The following FAM227B variants were observed in gnomAD, a reference collection of about 807,000 sequenced individuals.
FAM227B encodes protein FAM227B.
A neutral mutation model predicts 73.8 loss-of-function variants in FAM227B; 88 were observed. That is an observed-to-expected ratio of 1.19 (90% CI 1.00 to 1.42). FAM227B has a LOEUF of 1.42. Ranked by LOEUF, FAM227B falls within the 40% of genes most tolerant of loss-of-function variation. FAM227B has a pLI of 0.00. For missense variants in FAM227B, 632 were observed against 590.9 expected (o/e 1.07, Z -0.72); for synonymous variants, 210 against 190.5 (o/e 1.10, Z -0.84).
intron 11 of FAM227B, chr15:49,488,081 A>G (rs938159105): frequency 2.6e-5 from 4 of 152,028 alleles, no homozygotes; most frequent in Non-Finnish European, 5.9e-5. Flanking sequence ...CAATCAGAAT[A>G]CATCACTGAT....
At chr15:49,529,464 AAAAATAATCT>A (rs1308032939) in intron 10 of FAM227B, among the ~76,000 whole-genome samples, 1 of 151,720 alleles carries the variant, frequency 6.6e-6, no homozygotes, top group Non-Finnish European at 1.5e-5. Flanking sequence ...TACCTGCATC[AAAAATAATCT>A]AAAATAATCT....
intron 11 of FAM227B, among the ~76,000 whole-genome samples, chr15:49,474,548 TA>T (rs1328227828): frequency 6.6e-6 from 1 of 151,732 alleles, no homozygotes; most frequent in Admixed American, 6.6e-5. Flanking sequence ...GAGGCATCAG[TA>T]AAAAAAGGAA....
At chr15:49,336,339 G>GAT (rs1394883101) in intron 13 of FAM227B, among the ~76,000 whole-genome samples, 6 of 152,364 alleles carry the variant, frequency 3.9e-5, no homozygotes, top group Middle Eastern at 3.4e-3. Flanking sequence ...ACCCATGCCT[G>GAT]ATCTGGCAAA....
At chr15:49,366,279 G>C (rs994239996) in intron 13 of FAM227B, 5 of 787,156 alleles carry the variant, frequency 6.4e-6, no homozygotes, top group Non-Finnish European at 1.2e-5. Context: ...AATGCAATCA[G>C]TATTTTCACA....
intron 11 of FAM227B, among the ~76,000 whole-genome samples, chr15:49,454,398 TGGTAATAATAAG>T (rs925519853): frequency 6.6e-6 from 1 of 152,144 alleles, no homozygotes; most frequent in African/African-American, 2.4e-5. Context: ...GTAAAAATCC[TGGTAATAATAAG>T]AGCCAATATT....
At chr15:49,454,210 G>C (rs1443265419) in intron 11 of FAM227B, among the ~76,000 whole-genome samples, 1 of 152,088 alleles carries the variant, frequency 6.6e-6, no homozygotes, top group East Asian at 1.9e-4. Context: ...CAGAAATACA[G>C]ACTAAATAAA....
chr15:49,355,261 A>G (rs2042945373), intron 13 of FAM227B, among the ~76,000 whole-genome samples: 1 of 152,254 alleles, frequency 6.6e-6, no homozygotes, highest in Non-Finnish European at 1.5e-5. Context: ...AAGAGCTCAG[A>G]GAAGAAGGCT....
At chr15:49,603,564 G>A (rs967113093) in intron 3 of FAM227B, among the ~76,000 whole-genome samples, 2 of 152,042 alleles carry the variant, frequency 1.3e-5, no homozygotes, top group Admixed American at 6.6e-5. Flanking sequence ...ATATAAGATC[G>A]TATCATCTGC....
intron 12 of FAM227B, among the ~76,000 whole-genome samples, chr15:49,370,652 T>C (rs1048336673): frequency 2.0e-5 from 3 of 152,222 alleles, no homozygotes; most frequent in Admixed American, 6.5e-5. Context: ...AATTATCTTA[T>C]CAGACTGGAT....
intron 3 of FAM227B, among the ~76,000 whole-genome samples, chr15:49,595,417 C>G (rs1428981648): frequency 6.6e-6 from 1 of 151,740 alleles, no homozygotes; most frequent in Non-Finnish European, 1.5e-5. Context: ...ATACTCTTTA[C>G]CTATTTGGAT....
intron 10 of FAM227B, among the ~76,000 whole-genome samples, chr15:49,519,391 C>A (rs1402727869): frequency 6.6e-6 from 1 of 152,228 alleles, no homozygotes; most frequent in South Asian, 2.1e-4. Flanking sequence ...ACTCTCACCC[C>A]ACATTTCCCT....
chr15:49,495,011 C>A (rs1485810879), intron 11 of FAM227B, among the ~76,000 whole-genome samples: 1 of 152,098 alleles, frequency 6.6e-6, no homozygotes, highest in East Asian at 1.9e-4. Flanking sequence ...AAACTGATGA[C>A]TAAATCTCTC....
intron 13 of FAM227B, among the ~76,000 whole-genome samples, chr15:49,350,677 CTAATT>C (rs766725747): frequency 1.4e-4 from 22 of 152,176 alleles, no homozygotes; most frequent in Non-Finnish European, 2.5e-4. Flanking sequence ...TTCCCGTAAT[CTAATT>C]TTTGACCTTG....
chr15:49,454,863 C>T (rs2053130394), intron 11 of FAM227B, among the ~76,000 whole-genome samples: 1 of 152,122 alleles, frequency 6.6e-6, no homozygotes, highest in Admixed American at 6.5e-5. Context: ...CTCGCCTCGG[C>T]CTCCCAAAGT....
At chr15:49,352,056 A>G (rs1394684636) in intron 13 of FAM227B, among the ~76,000 whole-genome samples, 3 of 152,134 alleles carry the variant, frequency 2.0e-5, no homozygotes, top group Non-Finnish European at 2.9e-5. Flanking sequence ...AGCCATCTCA[A>G]AGATTTCCTC....
chr15:49,611,755 T>C (rs2077937203), intron 2 of FAM227B, among the ~76,000 whole-genome samples: 1 of 152,236 alleles, frequency 6.6e-6, no homozygotes, highest in South Asian at 2.1e-4. Context: ...GATTTCAAAA[T>C]GTATTCAACA....
At chr15:49,541,075 C>T (rs2071000843) in intron 10 of FAM227B, among the ~76,000 whole-genome samples, 2 of 151,990 alleles carry the variant, frequency 1.3e-5, no homozygotes, top group South Asian at 2.1e-4. Context: ...CAGTTAATAG[C>T]TTCTGGTGGT....
intron 13 of FAM227B, among the ~76,000 whole-genome samples, chr15:49,345,671 A>G (rs1046129953): frequency 2.0e-5 from 3 of 152,260 alleles, no homozygotes; most frequent in Non-Finnish European, 4.4e-5. Context: ...CACTGAATGG[A>G]AGATTCACTT....
At chr15:49,513,669 C>T (rs1485100112) in intron 10 of FAM227B, among the ~76,000 whole-genome samples, 3 of 152,110 alleles carry the variant, frequency 2.0e-5, no homozygotes, top group African/African-American at 7.2e-5. Context: ...TAAATCTTTG[C>T]CCATGCCTAT....
Sources: gnomAD v4.1 joint callset for allele counts (sites outside exome capture counted in the v4.1 genomes callset) on GRCh38, gnomAD v4.1.1 for gene constraint, MANE v1.5 for transcripts, NCBI Gene and HGNC (gene_info 2026-07-23, HGNC 2026-07-21) for gene names.